EXOG: variants seen among roughly 807,000 people sequenced by gnomAD.
The protein encoded by EXOG is exo/endonuclease G, also known as nuclease EXOG, mitochondrial.
EXOG carries 27 observed loss-of-function variants against 25.8 expected under a neutral mutation model. The ratio of observed to expected loss-of-function variants is 1.05; its 90% CI spans 0.77 to 1.45. The LOEUF (loss-of-function observed/expected upper bound fraction) is 1.45. EXOG is among the 40% of genes most tolerant of loss of function. The pLI is 0.00. For missense variants in EXOG, 458 were observed against 450.5 expected (o/e 1.02, Z -0.15); for synonymous variants, 133 against 167.0 (o/e 0.80, Z 1.57).
At chr3:38,521,845 C>T (rs1001693629) in intron 5 of EXOG, among the ~76,000 whole-genome samples, 2 of 152,210 alleles carry the variant, frequency 1.3e-5, no homozygotes, top group Non-Finnish European at 2.9e-5. Flanking sequence ...GCACCAGCTG[C>T]ATATACTTTA....
At chr3:38,522,705 T>C (rs1026203859) in intron 5 of EXOG, among the ~76,000 whole-genome samples, 1 of 152,096 alleles carries the variant, frequency 6.6e-6, no homozygotes, top group African/African-American at 2.4e-5. Flanking sequence ...GGTTTCTCCA[T>C]GTTGGTCAGG....
chr3:38,501,402 C>T lies in EXOG; in HGVS notation c.361C>T (p.Pro121Ser). 1 of 1,612,892 alleles carries T rather than the reference C, an allele frequency of 6.2e-7. No individual in the cohort carries two copies. The highest frequency in any genetic ancestry group is 1.3e-5 in the African/African-American group (1 of 74,986). ...TAAATTTAAGCCTGATCCCAATATC[C>T]CTCCAACCTTCAGTGCCTTCAATGA... Reference protein sequence around the residue: ...HCKFKPDPNIPPTFSAFNEDY... With the variant: ...HCKFKPDPNISPTFSAFNEDY... Residue 121 changes from proline to serine, a missense_variant, in exon 3 of 6, where the codon CCT becomes TCT. Physicochemically the swap from Pro to Ser is moderately conservative, Grantham distance 74. Coordinates refer to ENST00000287675, the MANE Select transcript of EXOG (RefSeq NM_005107.4).
chr3:38,515,601 G>T, intron 5 of EXOG: 2 of 175,856 alleles, frequency 1.1e-5, no homozygotes. Flanking sequence ...TGTCCATCAT[G>T]CTGGTGGAGG....
Position 38,515,516 on chromosome 3 carries a change from G to C in EXOG, c.646-8385G>C, listed in dbSNP as rs73825581. 391 of 181,422 alleles carry C rather than the reference G, an allele frequency of 2.2e-3. 7 individuals carry two copies. The highest frequency in any genetic ancestry group is 8.7e-3 in the African/African-American group (369 of 42,346). The allele number at this position is 181,422 out of a possible 1,614,324, so 11.2% of individuals were successfully genotyped here. On this transcript the variant is annotated intron_variant, in intron 5 of 5. Coordinates refer to ENST00000287675, the MANE Select transcript of EXOG (RefSeq NM_005107.4). ...AGGGGGGAAAAGTGGAAAATTATCT[G>C]GTCCTGGCCCAGGGCCAGCTCCTCG...
Position 38,501,382 on chromosome 3 carries a change from T to C in EXOG, c.341T>C (p.Phe114Ser). 1 of 1,613,722 alleles carries C rather than the reference T, an allele frequency of 6.2e-7. No individual in the cohort carries two copies. The highest frequency in any genetic ancestry group is 8.5e-7 in the Non-Finnish European group (1 of 1,179,618). Reference protein sequence around the residue: ...MGDADRKHCKFKPDPNIPPTF... With the variant: ...MGDADRKHCKSKPDPNIPPTF... ...GATGCAGACAGAAAGCATTGTAAAT[T>C]TAAGCCTGATCCCAATATCCCTCCA... Residue 114 changes from phenylalanine (F) to serine (S), a missense_variant, in exon 3 of 6, where the codon TTT becomes TCT. Transcript: ENST00000287675.
At chr3:38,516,483 G>T (rs1250747671) in intron 5 of EXOG, among the ~76,000 whole-genome samples, 1 of 152,098 alleles carries the variant, frequency 6.6e-6, no homozygotes, top group African/African-American at 2.4e-5. Flanking sequence ...CCACATTTAT[G>T]CTCCCCCATA....
intron 4 of EXOG, among the ~76,000 whole-genome samples, chr3:38,503,922 A>G (rs536270782): frequency 2.0e-5 from 3 of 152,342 alleles, no homozygotes; most frequent in Admixed American, 6.5e-5. Context: ...CCACTGTTCA[A>G]AAGTCAAGTT....
chr3:38,506,951 A>G lies in EXOG; in HGVS notation c.628A>G (p.Lys210Glu). The part of the protein sequence containing the change: ...TLPQTRGDGK[K>E]IVSYQVIGED... ...ACCTCAGACTAGAGGCGATGGAAAG[A>G]AAATAGTTAGTTACCAGGTAAGGAT... The change falls in exon 5 of 6, where the codon AAA (lysine) becomes GAA (glutamate). Residue 210 changes from lysine to glutamate, a missense_variant. Coordinates refer to ENST00000287675, the MANE Select transcript of EXOG (RefSeq NM_005107.4). 3.3e-6 allele frequency: 5 copies of G among 1,525,948 alleles called. No homozygotes were observed. The highest frequency in any genetic ancestry group is 4.5e-6 in the Non-Finnish European group (5 of 1,100,394). The allele number at this position is 1,525,948 out of a possible 1,614,324, so 94.5% of individuals were successfully genotyped here.
intron 5 of EXOG, among the ~76,000 whole-genome samples, chr3:38,510,981 A>G (rs1261909488): frequency 3.3e-5 from 5 of 152,032 alleles, no homozygotes; most frequent in Admixed American, 2.0e-4. Flanking sequence ...TTAGTTTTCC[A>G]TGTCTCTTAT....
intron 5 of EXOG, among the ~76,000 whole-genome samples, chr3:38,514,760 C>T (rs1457799207): frequency 4.3e-5 from 5 of 116,276 alleles, no homozygotes; most frequent in African/African-American, 2.0e-4. Flanking sequence ...CTTTTCCACC[C>T]TCCCCCCCCT....
chr3:38,522,246 A>C (rs1181402355), intron 5 of EXOG, among the ~76,000 whole-genome samples: 1 of 152,210 alleles, frequency 6.6e-6, no homozygotes, highest in Admixed American at 6.5e-5. Flanking sequence ...GCTGTGTGCC[A>C]TGTAGGTAGG....
At chr3:38,504,607 TG>T (rs2092112687) in intron 4 of EXOG, among the ~76,000 whole-genome samples, 1 of 152,048 alleles carries the variant, frequency 6.6e-6, no homozygotes, top group Non-Finnish European at 1.5e-5. Context: ...GGCTAATTTT[TG>T]TATTTTTAGT....
chr3:38,519,656 C>A (rs1279552612), intron 5 of EXOG, among the ~76,000 whole-genome samples: 2 of 152,028 alleles, frequency 1.3e-5, no homozygotes, highest in African/African-American at 4.8e-5. Context: ...GTCTCCCTAC[C>A]CTCACCCTAA....
In EXOG at chr3:38,524,266, T is replaced by C. The variant is rs1367792006; in HGVS notation, c.1011T>C (p.Ile337=). The C allele has an allele frequency of 1.2e-6, 2 of 1,614,006 alleles. No individual in the cohort carries two copies. The highest frequency in any genetic ancestry group is 2.7e-5 in the African/African-American group (2 of 74,902). Reference sequence around the variant, plus strand: ...TGGAAAACTTGAAGAATGCAGAGATTGAACCAGATGATTACTTTATGAGTC... The same window carrying C: ...TGGAAAACTTGAAGAATGCAGAGATCGAACCAGATGATTACTTTATGAGTC... ...KIMENLKNAE[I]EPDDYFMSRY... is the part of the protein sequence containing the mutation. Residue 337 remains isoleucine (I), a synonymous_variant, in exon 6 of 6, where the codon ATT becomes ATC. Transcript: ENST00000287675.
intron 4 of EXOG, among the ~76,000 whole-genome samples, chr3:38,506,291 T>C (rs2060200533): frequency 6.6e-6 from 1 of 152,246 alleles, no homozygotes; most frequent in African/African-American, 2.4e-5. Flanking sequence ...TTTAATTTTT[T>C]AGAGTAAATT....
At chr3:38,511,076 A>G (rs1333455221) in intron 5 of EXOG, among the ~76,000 whole-genome samples, 1 of 152,196 alleles carries the variant, frequency 6.6e-6, no homozygotes, top group Non-Finnish European at 1.5e-5. Context: ...AGTACCTGTC[A>G]TGTGGGAGGA....
In EXOG at chr3:38,506,930, C is replaced by T. The variant is rs773281511; in HGVS notation, c.607C>T (p.Gln203Ter). 1 of 1,594,814 alleles carries T rather than the reference C, an allele frequency of 6.3e-7. No homozygotes were observed. Among genetic ancestry groups the T allele is most frequent in the Non-Finnish European group, 8.6e-7 (1 of 1,162,756 alleles). ...WVVSGPLTLP[Q>*]TRGDGKKIVS... is the part of the protein sequence containing the mutation. ...GGTATCTGGGCCTTTGACCTTACCT[C>T]AGACTAGAGGCGATGGAAAGAAAAT... Residue 203 changes from glutamine to a stop codon, truncating the protein, a stop_gained, in exon 5 of 6, where the codon CAG (glutamine) becomes TAG (stop). Transcript: ENST00000287675. LOFTEE classifies it low-confidence loss of function (END_TRUNC).
At chr3:38,501,108 T>C in intron 2 of EXOG, 1 of 340,984 alleles carries the variant, frequency 2.9e-6, no homozygotes, top group Non-Finnish European at 5.3e-6. Flanking sequence ...TTTCTTTAAC[T>C]GGAAAGGCCA....
chr3:38,523,833 T>C, intron 5 of EXOG, 68 bp from the exon 6 acceptor site: 1 of 1,137,088 alleles, frequency 8.8e-7, no homozygotes, highest in Non-Finnish European at 1.3e-6. Flanking sequence ...TAAATAAGTA[T>C]TTTTCAGAAA....
Sources: allele counts gnomAD v4.1 joint callset (sites outside exome capture counted in the v4.1 genomes callset), GRCh38; gene constraint gnomAD v4.1.1; transcripts MANE v1.5; gene names NCBI Gene and HGNC (gene_info 2026-07-23, HGNC 2026-07-21).